SLC10A7: variants seen among roughly 807,000 people sequenced by gnomAD.
SLC10A7 encodes the protein solute carrier family 10 member 7.
SLC10A7 carries 29 observed loss-of-function variants against 43.2 expected under a neutral mutation model. The observed-to-expected ratio is 0.67, with a 90% CI of 0.50 to 0.92. The LOEUF is 0.92. Among genes scored for constraint, SLC10A7 ranks in the 40% least tolerant of loss-of-function variants. The probability of loss-of-function intolerance (pLI) is 0.00; values close to 1 mark genes in which losing one functional copy is unlikely to be tolerated. For missense variants in SLC10A7, 295 were observed against 403.2 expected, an observed-to-expected ratio of 0.73 and a Z score of 2.30; for synonymous variants, 152 against 144.8, an observed-to-expected ratio of 1.05 and a Z score of -0.35.
chr4:146,304,819 CT>C (rs1463814140), intron 7 of SLC10A7, among the ~76,000 whole-genome samples: 1 of 152,040 alleles, frequency 6.6e-6, no homozygotes, highest in African/African-American at 2.4e-5. Flanking sequence ...GACTTTCTGT[CT>C]CGTTGATCTG....
intron 5 of SLC10A7, among the ~76,000 whole-genome samples, chr4:146,382,149 T>C (rs1018653359): frequency 6.6e-5 from 10 of 152,162 alleles, no homozygotes; most frequent in African/African-American, 2.2e-4. Flanking sequence ...TGGGTTCTGT[T>C]ATCATCATAC....
At chr4:146,425,081 G>A (rs1310737569) in intron 5 of SLC10A7, among the ~76,000 whole-genome samples, 1 of 152,110 alleles carries the variant, frequency 6.6e-6, no homozygotes, top group East Asian at 1.9e-4. Context: ...TAAGAAAAAT[G>A]TTTAAGTGCT....
intron 4 of SLC10A7, among the ~76,000 whole-genome samples, chr4:146,455,759 G>C (rs1413139914): frequency 6.6e-6 from 1 of 151,860 alleles, no homozygotes; most frequent in East Asian, 1.9e-4. Flanking sequence ...TGTTCTTTAT[G>C]TCTTCAGGAT....
intron 4 of SLC10A7, among the ~76,000 whole-genome samples, chr4:146,481,277 G>T (rs1040164948): frequency 2.0e-5 from 3 of 152,164 alleles, no homozygotes; most frequent in African/African-American, 7.2e-5. Flanking sequence ...ATGCCTACCT[G>T]GCACATAATG....
intron 5 of SLC10A7, among the ~76,000 whole-genome samples, chr4:146,419,750 C>T (rs1266082526): frequency 2.0e-5 from 3 of 151,874 alleles, no homozygotes; most frequent in African/African-American, 4.8e-5. Context: ...GCACGAGAAT[C>T]GCTTGAGCCC....
In SLC10A7 at chr4:146,454,983, T is replaced by C. The variant is rs138885320; in HGVS notation, c.397-12162A>G. Among the ~76,000 whole-genome samples, 357 of 152,032 alleles carry C rather than the reference T, an allele frequency of 2.3e-3. 3 individuals are homozygous for C. The highest frequency in any genetic ancestry group is 8.2e-3 in the African/African-American group (342 of 41,544). ...TGAATGAAACTTACTTAAAATGTTATATACTATTTGATATTATATCTTTTA... is the reference window on the plus strand; with the variant it reads ...TGAATGAAACTTACTTAAAATGTTACATACTATTTGATATTATATCTTTTA... On this transcript the variant is annotated intron_variant, in intron 4 of 11. Coordinates refer to ENST00000335472, the MANE Select transcript of SLC10A7 (RefSeq NM_001029998.6).
chr4:146,439,655 T>TATAC (rs1333378694), intron 5 of SLC10A7, among the ~76,000 whole-genome samples: 1 of 152,214 alleles, frequency 6.6e-6, no homozygotes, highest in African/African-American at 2.4e-5. Flanking sequence ...TATCACATCA[T>TATAC]ATACACATTT....
intron 4 of SLC10A7, among the ~76,000 whole-genome samples, chr4:146,490,757 A>T (rs978557173): frequency 1.3e-5 from 2 of 152,214 alleles, no homozygotes; most frequent in African/African-American, 4.8e-5. Context: ...CTAGGATATC[A>T]TTTAATTCTA....
intron 10 of SLC10A7, among the ~76,000 whole-genome samples, chr4:146,259,940 G>T (rs1728117937): frequency 1.3e-5 from 2 of 152,116 alleles, no homozygotes; most frequent in African/African-American, 4.8e-5. Flanking sequence ...GTACAATGAT[G>T]GCACATAAAT....
chr4:146,373,418 G>C (rs530310414), intron 5 of SLC10A7, among the ~76,000 whole-genome samples: 5 of 142,872 alleles, frequency 3.5e-5, no homozygotes, highest in Middle Eastern at 7.9e-3. Context: ...AGGCTGCAGT[G>C]AACTATAATT....
intron 2 of SLC10A7, among the ~76,000 whole-genome samples, chr4:146,512,264 G>A (rs1043319311): frequency 5.9e-5 from 9 of 152,042 alleles, no homozygotes; most frequent in Admixed American, 2.0e-4. Context: ...ATGAGCCCCC[G>A]TGCCCGGACT....
intron 5 of SLC10A7, among the ~76,000 whole-genome samples, chr4:146,402,256 G>A (rs1245018063): frequency 2.0e-5 from 3 of 152,070 alleles, no homozygotes; most frequent in African/African-American, 7.2e-5. Flanking sequence ...TAAAACATCA[G>A]GCAATACTGA....
intron 5 of SLC10A7, among the ~76,000 whole-genome samples, chr4:146,378,236 A>T (rs907455761): frequency 2.6e-5 from 4 of 152,222 alleles, no homozygotes; most frequent in African/African-American, 9.6e-5. Context: ...AAGGGCATGA[A>T]TCTGCTTCGT....
intron 5 of SLC10A7, among the ~76,000 whole-genome samples, chr4:146,412,612 T>A (rs912104478): frequency 2.0e-5 from 3 of 152,134 alleles, no homozygotes; most frequent in African/African-American, 7.2e-5. Context: ...ATATGGAGGA[T>A]TTAAGCAAAG....
intron 5 of SLC10A7, among the ~76,000 whole-genome samples, chr4:146,432,369 C>A (rs1043648791): frequency 2.6e-5 from 4 of 152,094 alleles, no homozygotes; most frequent in African/African-American, 4.8e-5. Context: ...CAGGAAACAA[C>A]CAGTTCATCA....
At chr4:146,383,689 T>C (rs1398333396) in intron 5 of SLC10A7, among the ~76,000 whole-genome samples, 1 of 152,114 alleles carries the variant, frequency 6.6e-6, no homozygotes, top group African/African-American at 2.4e-5. Context: ...CTGGTAACAA[T>C]AGGTTACCTT....
chr4:146,431,891 T>A (rs1456645662), intron 5 of SLC10A7, among the ~76,000 whole-genome samples: 1 of 152,178 alleles, frequency 6.6e-6, no homozygotes, highest in Non-Finnish European at 1.5e-5. Flanking sequence ...ACATAATATA[T>A]GTCTGATAAA....
chr4:146,326,353 C>A lies in SLC10A7; in HGVS notation c.436-357G>T, dbSNP rs139930919. 3.9e-3 allele frequency among the ~76,000 whole-genome samples: 598 copies of A among 152,292 alleles called. 2 individuals carry two copies. Among genetic ancestry groups the A allele is most frequent in the African/African-American group, 0.013 (548 of 41,556 alleles). On this transcript the variant is annotated intron_variant, in intron 5 of 11. Coordinates refer to ENST00000335472, the MANE Select transcript of SLC10A7 (RefSeq NM_001029998.6). ...CAACTCTAACTTGGATAAAATGCCC[C>A]TTTTTGAGAGAAGACAGGTGGTTTA...
chr4:146,396,366 G>C (rs897215878), intron 5 of SLC10A7, among the ~76,000 whole-genome samples: 2 of 152,062 alleles, frequency 1.3e-5, no homozygotes, highest in Admixed American at 6.5e-5. Context: ...TCAAGTGATG[G>C]ATATTTTACC....
Sources: gnomAD v4.1 joint callset for allele counts (sites outside exome capture counted in the v4.1 genomes callset) on GRCh38, gnomAD v4.1.1 for gene constraint, MANE v1.5 for transcripts, NCBI Gene and HGNC (gene_info 2026-07-23, HGNC 2026-07-21) for gene names.